The following NYAP1 variants were observed in gnomAD, a reference collection of about 807,000 sequenced individuals.
NYAP1 encodes the protein neuronal tyrosine-phosphorylated phosphoinositide-3-kinase adapter 1.
A neutral mutation model predicts 58.6 loss-of-function variants in NYAP1; 20 were observed. The ratio of observed to expected loss-of-function variants is 0.34; its 90% CI spans 0.24 to 0.50. NYAP1 has a LOEUF of 0.50. Ranked by LOEUF, NYAP1 falls within the 20% of genes least tolerant of loss-of-function variation. NYAP1 has a pLI of 0.98. For missense variants in NYAP1, 1,150 were observed against 1,194.5 expected (o/e 0.96, Z 0.55); for synonymous variants, 572 against 523.1 (o/e 1.09, Z -1.27).
chr7:100,491,554 G>C (rs949276177), intron 6 of NYAP1, among the ~76,000 whole-genome samples: 4 of 151,386 alleles, frequency 2.6e-5, no homozygotes, highest in African/African-American at 9.7e-5. Flanking sequence ...CCATGATCAC[G>C]CTACTGCGTT....
Position 100,487,245 on chromosome 7 carries a change from C to A in NYAP1, c.430+63C>A. ...GAGCTGGGAGGATCTATTCCACGCC[C>A]GGGGAGGCTTGCCGGGAGGGTTCAT... On this transcript the variant is annotated intron_variant, in intron 3 of 6. Transcript: ENST00000300179. This position sits in a 1 kb window ranked among gnomAD's most constrained non-coding sequence, Gnocchi z 4.1. 1.4e-6 allele frequency: 2 copies of A among 1,433,168 alleles called. No homozygotes were observed. Among genetic ancestry groups the A allele is most frequent in the East Asian group, 2.7e-5 (1 of 37,374 alleles). 88.8% of individuals were successfully genotyped at this position (1,433,168 alleles called of 1,614,324 possible). A position where few individuals can be genotyped will look rare whatever the true frequency, so the allele number is the denominator to read the frequency against.
chr7:100,485,891 C>T lies in NYAP1; in HGVS notation c.68+512C>T, dbSNP rs374545899. On this transcript the variant is annotated intron_variant, in intron 2 of 6. Transcript: ENST00000300179. The surrounding 1 kb of genome is among the most constrained non-coding windows in gnomAD (Gnocchi z 5.7). The stretch of plus-strand genomic sequence containing the variant: ...CTTGCCAAAGAGCCAGGGCAGGGGA[C>T]GACCTCCAGACCCCTGCAATCCCTG... 8.5e-5 allele frequency among the ~76,000 whole-genome samples: 13 copies of T among 152,166 alleles called. No homozygotes were observed. Among genetic ancestry groups the T allele is most frequent in the Middle Eastern group, 3.4e-3 (1 of 294 alleles).
Position 100,488,416 on chromosome 7 carries a change from G to A in NYAP1, c.695G>A (p.Gly232Glu), listed in dbSNP as rs768371004. 1 of 1,599,186 alleles carries A rather than the reference G, an allele frequency of 6.3e-7. No homozygotes were observed. Among genetic ancestry groups the A allele is most frequent in the African/African-American group, 1.3e-5 (1 of 74,348 alleles). Residue 232 changes from glycine (G) to glutamate (E), a missense_variant, in exon 4 of 7, where the codon GGA (glycine) becomes GAA (glutamate). Physicochemically the swap from Gly to Glu is moderately conservative, Grantham distance 98. Transcript: ENST00000300179. The surrounding 1 kb of genome is among the most constrained non-coding windows in gnomAD (Gnocchi z 5.9). ...TTTAGGGGAGGAGGACGAAGTGGAGGAGGCCTGGCTGGGCCCCCTCTTGGG... is the reference window on the plus strand; with the variant it reads ...TTTAGGGGAGGAGGACGAAGTGGAGAAGGCCTGGCTGGGCCCCCTCTTGGG... ...DVFRGGGRSG[G>E]GLAGPPLGGG...
Position 100,488,041 on chromosome 7 carries a change from G to T in NYAP1, c.431-111G>T. 1.4e-6 allele frequency: 1 copy of T among 732,462 alleles called. No homozygotes were observed. Among genetic ancestry groups the T allele is most frequent in the South Asian group, 2.3e-5 (1 of 43,836 alleles). The allele number at this position is 732,462 out of a possible 1,614,324, so 45.4% of individuals were successfully genotyped here. A position where few individuals can be genotyped will look rare whatever the true frequency, so the allele number is the denominator to read the frequency against. ...TGTAAGTTGAGGAATGTGGGGAAAA[G>T]GAAGAGGCAGATATGTCCTTGCAGA... On this transcript the variant is annotated intron_variant, in intron 3 of 6. Coordinates refer to ENST00000300179, the MANE Select transcript of NYAP1 (RefSeq NM_173564.4). The surrounding 1 kb of genome is among the most constrained non-coding windows in gnomAD (Gnocchi z 5.9).
At position 100,485,230 on chromosome 7, in the gene NYAP1, G is replaced by A; in HGVS notation, c.-82G>A. 1.3e-6 allele frequency: 1 copy of A among 743,882 alleles called. No individual in the cohort carries two copies. Among genetic ancestry groups the A allele is most frequent in the Non-Finnish European group, 2.3e-6 (1 of 437,770 alleles). The allele number at this position is 743,882 out of a possible 1,614,324, so 46.1% of individuals were successfully genotyped here. A position where few individuals can be genotyped will look rare whatever the true frequency, so the allele number is the denominator to read the frequency against. On this transcript the variant is annotated splice_region_variant and 5_prime_UTR_variant, in exon 2 of 7. Coordinates refer to ENST00000300179, the MANE Select transcript of NYAP1 (RefSeq NM_173564.4). The surrounding 1 kb of genome is among the most constrained non-coding windows in gnomAD (Gnocchi z 5.7). Reference sequence around the variant, plus strand: ...TTCTCACCCACCCCGCCCGCCAGTGGATCCGGGACCCAGGGAGGGCCGCCC... The same window carrying A: ...TTCTCACCCACCCCGCCCGCCAGTGAATCCGGGACCCAGGGAGGGCCGCCC...
In NYAP1 at chr7:100,494,172, T is replaced by A. The variant is rs12539172; in HGVS notation, c.*269T>A. 4 of 417,330 alleles carry A rather than the reference T, an allele frequency of 9.6e-6. No individual in the cohort carries two copies. Among genetic ancestry groups the A allele is most frequent in the African/African-American group, 2.1e-5 (1 of 47,636 alleles). The allele number at this position is 417,330 out of a possible 1,614,324, so 25.9% of individuals were successfully genotyped here. A position where few individuals can be genotyped will look rare whatever the true frequency, so the allele number is the denominator to read the frequency against. On this transcript the variant is annotated 3_prime_UTR_variant, in exon 7 of 7. Coordinates refer to ENST00000300179, the MANE Select transcript of NYAP1 (RefSeq NM_173564.4). ...CTCTGGCTGTTCTTCCCGCTGGGCG[T>A]TGTACACCCCTCCTCCTGAACCAAG...
At position 100,486,619 on chromosome 7, in the gene NYAP1, A is replaced by C. The variant is rs183764395; in HGVS notation, c.69-202A>C. ...ACCCCTCTTCTCATCCCTGCCCCCA[A>C]CTGCCTTGTGTTTTTAAAGCCCAAG... On this transcript the variant is annotated intron_variant, in intron 2 of 6. Coordinates refer to ENST00000300179, the MANE Select transcript of NYAP1 (RefSeq NM_173564.4). The surrounding 1 kb of genome is among the most constrained non-coding windows in gnomAD (Gnocchi z 6.2). Among the ~76,000 whole-genome samples the C allele has an allele frequency of 6.6e-6, 1 of 152,136 alleles. No individual in the cohort carries two copies. The highest frequency in any genetic ancestry group is 6.5e-5 in the Admixed American group (1 of 15,292).
Position 100,488,679 on chromosome 7 carries a change from C to T in NYAP1, c.958C>T (p.Pro320Ser), listed in dbSNP as rs745378079. The T allele has an allele frequency of 1.2e-5, 20 of 1,611,864 alleles. No individual in the cohort carries two copies. The highest frequency in any genetic ancestry group is 1.7e-5 in the Non-Finnish European group (20 of 1,179,510). The part of the protein sequence containing the change: ...RRDGTPTKTT[P>S]CEIPPPFPNL... ...GGACGGGACGCCCACCAAGACCACT[C>T]CTTGTGAAATCCCCCCGCCCTTCCC... is the stretch of plus-strand genomic sequence containing the variant. The change falls in exon 4 of 7, where the codon CCT becomes TCT. Residue 320 changes from proline (P) to serine (S), a missense_variant. Coordinates refer to ENST00000300179, the MANE Select transcript of NYAP1 (RefSeq NM_173564.4). The surrounding 1 kb of genome is among the most constrained non-coding windows in gnomAD (Gnocchi z 5.9).
rs902141343 is a variant in NYAP1 at position 100,485,027 on chromosome 7, A to G, written c.-84-201A>G. Among the ~76,000 whole-genome samples, 3 of 151,642 alleles carry G rather than the reference A, an allele frequency of 2.0e-5. No individual in the cohort carries two copies. Among genetic ancestry groups the G allele is most frequent in the Non-Finnish European group, 2.9e-5 (2 of 67,940 alleles). On this transcript the variant is annotated intron_variant, in intron 1 of 6. Transcript: ENST00000300179. This position sits in a 1 kb window ranked among gnomAD's most constrained non-coding sequence, Gnocchi z 5.7. Reference sequence around the variant, plus strand: ...TTGACCTGGTCTCTCCAGAGTGTGTATTTGGGGCTCTGAACACCTTTGTCG... The same window carrying G: ...TTGACCTGGTCTCTCCAGAGTGTGTGTTTGGGGCTCTGAACACCTTTGTCG...
rs137910126 is a variant in NYAP1, at chr7:100,489,591, G to C, written c.1870G>C (p.Ala624Pro). ...AGAGGAGGAAGAAGAGGAGGTGGGC[G>C]CCGCGACATTTGGGGCAGGCTGGGC... ...TPEEEEEEVG[A>P]ATFGAGWALQ... The change falls in exon 4 of 7, where the codon GCC (alanine) becomes CCC (proline). Residue 624 changes from alanine (A) to proline (P), a missense_variant. Coordinates refer to ENST00000300179, the MANE Select transcript of NYAP1 (RefSeq NM_173564.4). 37 of 1,612,692 alleles carry C rather than the reference G, an allele frequency of 2.3e-5. No individual in the cohort carries two copies. Among genetic ancestry groups the C allele is most frequent in the Middle Eastern group, 1.6e-4 (1 of 6,076 alleles).
Position 100,486,894 on chromosome 7 carries a change from G to A in NYAP1, c.142G>A (p.Asp48Asn). The A allele has an allele frequency of 6.4e-7, 1 of 1,574,728 alleles. No homozygotes were observed. Among genetic ancestry groups the A allele is most frequent in the Middle Eastern group, 1.8e-4 (1 of 5,530 alleles). The change falls in exon 3 of 7, where the codon GAC becomes AAC. Residue 48 changes from aspartate to asparagine, a missense_variant. Asp to Asn is a conservative substitution (Grantham distance 23). Coordinates refer to ENST00000300179, the MANE Select transcript of NYAP1 (RefSeq NM_173564.4). This position sits in a 1 kb window ranked among gnomAD's most constrained non-coding sequence, Gnocchi z 6.2. Reference sequence around the variant, plus strand: ...CCAGGGGCCTGGGGTCCGCGTGCGGGACATCGCCTCGCTGCGGCGCTCCCT... The same window carrying A: ...CCAGGGGCCTGGGGTCCGCGTGCGGAACATCGCCTCGCTGCGGCGCTCCCT... ...AGQGPGVRVR[D>N]IASLRRSLRM...
Position 100,485,289 on chromosome 7 carries a change from G to T in NYAP1, c.-23G>T, listed in dbSNP as rs1799688960. On this transcript the variant is annotated 5_prime_UTR_variant, in exon 2 of 7. Transcript: ENST00000300179. This position sits in a 1 kb window ranked among gnomAD's most constrained non-coding sequence, Gnocchi z 5.7. ...TGGTGGCACTGAGCAGGGCCCCCCA[G>T]CCCCCACCTCCTGCCCCACGAGATG... 3.4e-6 allele frequency: 5 copies of T among 1,458,260 alleles called. No homozygotes were observed. The highest frequency in any genetic ancestry group is 4.6e-6 in the Non-Finnish European group (5 of 1,083,440). The allele number at this position is 1,458,260 out of a possible 1,614,324, so 90.3% of individuals were successfully genotyped here. A position where few individuals can be genotyped will look rare whatever the true frequency, so the allele number is the denominator to read the frequency against.
rs866313767 is a variant in NYAP1 at position 100,485,082 on chromosome 7, C to T, written c.-84-146C>T. 4 of 564,940 alleles carry T rather than the reference C, an allele frequency of 7.1e-6. No individual in the cohort carries two copies. Among genetic ancestry groups the T allele is most frequent in the South Asian group, 2.1e-5 (1 of 47,686 alleles). The allele number at this position is 564,940 out of a possible 1,614,324, so 35.0% of individuals were successfully genotyped here. ...CTGTGTCTGTCTGTCTGTGGGTCCT[C>T]GAAGCTGTGTTGGGTTTTCTGTCTG... is the stretch of plus-strand genomic sequence containing the variant. On this transcript the variant is annotated intron_variant, in intron 1 of 6. Transcript: ENST00000300179. This position sits in a 1 kb window ranked among gnomAD's most constrained non-coding sequence, Gnocchi z 5.7.
At position 100,490,811 on chromosome 7, in the gene NYAP1, C is replaced by T. The variant is rs1584360949; in HGVS notation, c.2158+82C>T. 7.7e-7 allele frequency: 1 copy of T among 1,297,846 alleles called. No individual in the cohort carries two copies. The highest frequency in any genetic ancestry group is 1.0e-6 in the Non-Finnish European group (1 of 955,530). The allele number at this position is 1,297,846 out of a possible 1,614,324, so 80.4% of individuals were successfully genotyped here. A position where few individuals can be genotyped will look rare whatever the true frequency, so the allele number is the denominator to read the frequency against. On this transcript the variant is annotated intron_variant, in intron 5 of 6. Coordinates refer to ENST00000300179, the MANE Select transcript of NYAP1 (RefSeq NM_173564.4). This position sits in a 1 kb window ranked among gnomAD's most constrained non-coding sequence, Gnocchi z 4.6. ...GTCTAGCTGCACCTGTCCTGACTTC[C>T]TCTCACCTGTTCACGTCTGTGCCCA...
At position 100,485,290 on chromosome 7, in the gene NYAP1, C is replaced by G. The variant is rs555006356; in HGVS notation, c.-22C>G. 44 of 1,558,842 alleles carry G rather than the reference C, an allele frequency of 2.8e-5. No individual in the cohort carries two copies. The Admixed American group carries it at 3.5e-4, about 12-fold the overall frequency. On this transcript the variant is annotated 5_prime_UTR_variant, in exon 2 of 7. Transcript: ENST00000300179. The surrounding 1 kb of genome is among the most constrained non-coding windows in gnomAD (Gnocchi z 5.7). ...GGTGGCACTGAGCAGGGCCCCCCAG[C>G]CCCCACCTCCTGCCCCACGAGATGA...
Position 100,494,155 on chromosome 7 carries a change from G to T in NYAP1, c.*252G>T, listed in dbSNP as rs1289528891. ...GGTTGGGGCGAGAGTCGCTCTGGCT[G>T]TTCTTCCCGCTGGGCGTTGTACACC... On this transcript the variant is annotated 3_prime_UTR_variant, in exon 7 of 7. Coordinates refer to ENST00000300179, the MANE Select transcript of NYAP1 (RefSeq NM_173564.4). The T allele has an allele frequency of 6.6e-6, 3 of 454,548 alleles. No homozygotes were observed. The highest frequency in any genetic ancestry group is 1.2e-5 in the Non-Finnish European group (3 of 259,520). 28.2% of individuals were successfully genotyped at this position (454,548 alleles called of 1,614,324 possible).
chr7:100,491,038 G>A lies in NYAP1; in HGVS notation c.2211G>A (p.Arg737=). The A allele has an allele frequency of 6.4e-7, 1 of 1,559,684 alleles. No homozygotes were observed. Among genetic ancestry groups the A allele is most frequent in the African/African-American group, 1.4e-5 (1 of 73,558 alleles). The change falls in exon 6 of 7, where the codon CGG becomes CGA. Residue 737 remains arginine, a synonymous_variant. Transcript: ENST00000300179. ...LGRSASTSGV[R]QVVLHTPRPC... ...GCTCCGCCTCCACCTCCGGAGTCCGGCAGGTCGTGCTCCACACACCCCGGC... is the reference window on the plus strand; with the variant it reads ...GCTCCGCCTCCACCTCCGGAGTCCGACAGGTCGTGCTCCACACACCCCGGC...
chr7:100,488,260 G>GC lies in NYAP1; in HGVS notation c.545dup (p.Gly183ArgfsTer16), dbSNP rs751811587. 2 of 1,613,862 alleles carry GC rather than the reference G, an allele frequency of 1.2e-6. No individual in the cohort carries two copies. Among genetic ancestry groups the GC allele is most frequent in the Non-Finnish European group, 8.5e-7 (1 of 1,179,922 alleles). On this transcript the variant is annotated frameshift_variant, in exon 4 of 7. Coordinates refer to ENST00000300179, the MANE Select transcript of NYAP1 (RefSeq NM_173564.4). LOFTEE classifies it high-confidence loss of function. The surrounding 1 kb of genome is among the most constrained non-coding windows in gnomAD (Gnocchi z 5.9). The stretch of plus-strand genomic sequence containing the variant: ...CTCTCTGTCTCCTTCGATGAGTCCT[G>GC]CCCCCCAGGCCCCTCTCCTCGAGGG...
In NYAP1 at chr7:100,488,990, G is replaced by T; in HGVS notation, c.1269G>T (p.Glu423Asp). The T allele has an allele frequency of 6.4e-7, 1 of 1,574,576 alleles. No individual in the cohort carries two copies. The highest frequency in any genetic ancestry group is 8.6e-7 in the Non-Finnish European group (1 of 1,168,352). Residue 423 changes from glutamate (E) to aspartate (D), a missense_variant, in exon 4 of 7, where the codon GAG (glutamate) becomes GAT (aspartate). Transcript: ENST00000300179. This position sits in a 1 kb window ranked among gnomAD's most constrained non-coding sequence, Gnocchi z 5.9. ...CTGGCCAGCCCCGGGGGGAGCGGGAGCTCCCCAACTCCCACAGCATGATCT... is the reference window on the plus strand; with the variant it reads ...CTGGCCAGCCCCGGGGGGAGCGGGATCTCCCCAACTCCCACAGCATGATCT... ...QGSGQPRGER[E>D]LPNSHSMICP...
Sources: gnomAD v4.1 joint callset for allele counts (sites outside exome capture counted in the v4.1 genomes callset) on GRCh38, gnomAD v4.1.1 for gene constraint, Gnocchi (gnomAD v3.1) non-coding constraint, MANE v1.5 for transcripts, NCBI Gene and HGNC (gene_info 2026-07-23, HGNC 2026-07-21) for gene names.